CHD1: variants seen among roughly 807,000 people sequenced by gnomAD.
CHD1 encodes the protein ATP-dependent chromatin remodeler CHD1.
A neutral mutation model predicts 224.2 loss-of-function variants in CHD1; 36 were observed. That is an observed-to-expected ratio of 0.16 (90% CI 0.12 to 0.21). The LOEUF is 0.21. Ranked by LOEUF, CHD1 falls within the 10% of genes least tolerant of loss-of-function variation. The pLI, the probability that CHD1 is intolerant of heterozygous loss-of-function variation, is 1.00. For missense variants in CHD1, 1,378 were observed against 1,994.8 expected, an observed-to-expected ratio of 0.69 and a Z score of 5.89; for synonymous variants, 668 against 658.3, an observed-to-expected ratio of 1.01 and a Z score of -0.23.
rs749264305 is a variant in CHD1 at position 98,904,941 on chromosome 5, C to G, written c.211G>C (p.Glu71Gln). Residue 71 changes from glutamate (E) to glutamine (Q), a missense_variant, in exon 3 of 36, where the codon GAA becomes CAA. Transcript: ENST00000614616. Reference sequence around the variant, plus strand: ...GGTGGTTTTGCTTGAACTTTGTTTTCTCGGGAAGTGTCTGACTCAGACTCT... The same window carrying G: ...GGTGGTTTTGCTTGAACTTTGTTTTGTCGGGAAGTGTCTGACTCAGACTCT... ...QSESESDTSR[E>Q]NKVQAKPPKV... is the part of the protein sequence containing the mutation. 6.2e-7 allele frequency: 1 copy of G among 1,613,886 alleles called. No individual in the cohort carries two copies. The highest frequency in any genetic ancestry group is 1.1e-5 in the South Asian group (1 of 91,080).
intron 2 of CHD1, among the ~76,000 whole-genome samples, 200 bp from the exon 3 acceptor site, chr5:98,905,298 A>AT (rs1422832290): frequency 1.3e-5 from 2 of 150,452 alleles, no homozygotes; most frequent in Non-Finnish European, 3.0e-5. Flanking sequence ...TACGTGATAG[A>AT]TTATTACATA....
chr5:98,900,291 A>G (rs1300826809), intron 7 of CHD1, among the ~76,000 whole-genome samples: 1 of 151,778 alleles, frequency 6.6e-6, no homozygotes, highest in Admixed American at 6.6e-5. Flanking sequence ...CAAAAAAAAA[A>G]AAAAAAGAAA....
chr5:98,879,114 G>A (rs1219563903), intron 23 of CHD1, among the ~76,000 whole-genome samples: 3 of 152,130 alleles, frequency 2.0e-5, no homozygotes, highest in Non-Finnish European at 2.9e-5. Flanking sequence ...CACACCTGTA[G>A]TCCCAGCTAT....
intron 15 of CHD1, among the ~76,000 whole-genome samples, chr5:98,891,782 G>A (rs1487641041): frequency 6.6e-6 from 1 of 152,158 alleles, no homozygotes; most frequent in Middle Eastern, 3.2e-3. Context: ...CTGTACTCCA[G>A]CCTGGAGTAC....
At position 98,856,601 on chromosome 5, in the gene CHD1, G is replaced by A. The variant is rs141316125; in HGVS notation, c.4912C>T (p.Arg1638Trp). 220 of 1,613,538 alleles carry A rather than the reference G, an allele frequency of 1.4e-4. No homozygotes were observed. Among genetic ancestry groups the A allele is most frequent in the Non-Finnish European group, 1.8e-4 (207 of 1,179,702 alleles). ...CTTGACCGGTGGTCTGAATGTAACC[G>A]ATGATCTGAGTGAGAACGATGATCA... ...HSDHRSHSDHRLHSDHRSSSE... is the reference protein window; with the variant it reads ...HSDHRSHSDHWLHSDHRSSSE... Residue 1638 changes from arginine (R) to tryptophan (W), a missense_variant, in exon 36 of 36, where the codon CGG becomes TGG. Transcript: ENST00000614616.
chr5:98,868,784 T>C, intron 30 of CHD1, 149 bp from the exon 31 acceptor site: 1 of 812,664 alleles, frequency 1.2e-6, no homozygotes, highest in Non-Finnish European at 1.8e-6. Context: ...AATTTGTTTT[T>C]TTCCCCAATT....
intron 5 of CHD1, among the ~76,000 whole-genome samples, chr5:98,901,884 T>C (rs187788608): frequency 1.4e-3 from 219 of 152,216 alleles, no homozygotes; most frequent in Non-Finnish European, 2.6e-3. Flanking sequence ...GATGTTAATA[T>C]TTTGCTATCA....
chr5:98,869,255 T>C, intron 30 of CHD1: 1 of 985,786 alleles, frequency 1.0e-6, no homozygotes, highest in Non-Finnish European at 1.2e-6. Flanking sequence ...TTTATTTGGA[T>C]GTTTCACAGA....
At chr5:98,907,471 C>T (rs571541579) in intron 2 of CHD1, among the ~76,000 whole-genome samples, 1 of 151,822 alleles carries the variant, frequency 6.6e-6, no homozygotes, top group East Asian at 1.9e-4. Flanking sequence ...GCCTGTGATC[C>T]CAGCTACTTG....
In CHD1 at chr5:98,928,704, C is replaced by G. The variant is rs529734611; in HGVS notation, c.-314G>C. 2.6e-5 allele frequency: 4 copies of G among 154,052 alleles called. No homozygotes were observed. Among genetic ancestry groups the G allele is most frequent in the Admixed American group, 2.0e-4 (3 of 15,296 alleles). The allele number at this position is 154,052 out of a possible 1,614,324, so 9.5% of individuals were successfully genotyped here. On this transcript the variant is annotated 5_prime_UTR_variant, in exon 1 of 36. Transcript: ENST00000614616. ...CAGACGCGGAGGGGAAGGGGAAGCCCCGGTCCGCAGCACCAACGCGCGATC... is the reference window on the plus strand; with the variant it reads ...CAGACGCGGAGGGGAAGGGGAAGCCGCGGTCCGCAGCACCAACGCGCGATC...
At chr5:98,873,540 AT>A in intron 26 of CHD1, 52 bp downstream of exon 26, 1 of 1,411,420 alleles carries the variant, frequency 7.1e-7, no homozygotes. Context: ...AATAAAGCAT[AT>A]TTTGAAGCTT....
At chr5:98,874,029 T>TTTCC in intron 25 of CHD1, among the ~76,000 whole-genome samples, 1 of 152,330 alleles carries the variant, frequency 6.6e-6, no homozygotes, top group Admixed American at 6.5e-5. Context: ...GGTAAAGCTT[T>TTTCC]ATAATTGTAA....
Position 98,860,149 on chromosome 5 carries a change from G to A in CHD1, c.4428-81C>T, listed in dbSNP as rs1022094053. ...TTTTTCATGGAACTCCTTCCCTCCA[G>A]GCACAAACACATATACACATACACA... On this transcript the variant is annotated intron_variant, in intron 32 of 35. Coordinates refer to ENST00000614616, the MANE Select transcript of CHD1 (RefSeq NM_001270.4). 5.4e-6 allele frequency: 4 copies of A among 745,744 alleles called. No homozygotes were observed. In the African/African-American group the frequency reaches 7.0e-5, roughly 13 times the overall value. The allele number at this position is 745,744 out of a possible 1,614,324, so 46.2% of individuals were successfully genotyped here. A position where few individuals can be genotyped will look rare whatever the true frequency, so the allele number is the denominator to read the frequency against.
intron 2 of CHD1, among the ~76,000 whole-genome samples, chr5:98,914,760 A>G (rs1580514095): frequency 6.6e-6 from 1 of 152,172 alleles, no homozygotes; most frequent in African/African-American, 2.4e-5. Flanking sequence ...ATTCAAAACT[A>G]TGTCCTTTAG....
At chr5:98,872,717 C>A (rs1034250296) in intron 26 of CHD1, among the ~76,000 whole-genome samples, 162 bp from the exon 27 acceptor site, 3 of 152,134 alleles carry the variant, frequency 2.0e-5, no homozygotes, top group Non-Finnish European at 4.4e-5. Context: ...TACATATGAA[C>A]AAGTGATAAT....
At position 98,868,651 on chromosome 5, in the gene CHD1, A is replaced by G; in HGVS notation, c.4108-16T>C. 6.6e-7 allele frequency: 1 copy of G among 1,526,416 alleles called. No homozygotes were observed. The highest frequency in any genetic ancestry group is 8.8e-7 in the Non-Finnish European group (1 of 1,138,792). The allele number at this position is 1,526,416 out of a possible 1,614,324, so 94.6% of individuals were successfully genotyped here. On this transcript the variant is annotated splice_polypyrimidine_tract_variant and intron_variant, in intron 30 of 35. Transcript: ENST00000614616. ...ATTCACTCAACTAAAGAAAAAGTGA[A>G]AAGAAAACAAAAACAAAACCCCAAT...
Position 98,902,982 on chromosome 5 carries a change from A to G in CHD1, c.373-18T>C, listed in dbSNP as rs752079102. On this transcript the variant is annotated intron_variant, in intron 4 of 35. Coordinates refer to ENST00000614616, the MANE Select transcript of CHD1 (RefSeq NM_001270.4). Reference sequence around the variant, plus strand: ...GAGGAATCCTGTAGAAAAGAAATAAAGTCAGTATCATCCACTAATGATTAG... The same window carrying G: ...GAGGAATCCTGTAGAAAAGAAATAAGGTCAGTATCATCCACTAATGATTAG... 3 of 1,482,884 alleles carry G rather than the reference A, an allele frequency of 2.0e-6. No homozygotes were observed. The highest frequency in any genetic ancestry group is 2.3e-5 in the South Asian group (2 of 86,650). 91.9% of individuals were successfully genotyped at this position (1,482,884 alleles called of 1,614,324 possible).
chr5:98,893,166 G>C (rs910146092), intron 14 of CHD1, among the ~76,000 whole-genome samples: 15 of 152,028 alleles, frequency 9.9e-5, no homozygotes, highest in African/African-American at 3.1e-4. Flanking sequence ...TTTCAAACAA[G>C]GTATATTTTG....
At chr5:98,884,705 T>G (rs1210985491) in intron 18 of CHD1, among the ~76,000 whole-genome samples, 1 of 151,560 alleles carries the variant, frequency 6.6e-6, no homozygotes, top group African/African-American at 2.4e-5. Flanking sequence ...TTGTTGTTTT[T>G]GGGTTTTTTC....
Sources: allele counts gnomAD v4.1 joint callset (sites outside exome capture counted in the v4.1 genomes callset), GRCh38; gene constraint gnomAD v4.1.1; transcripts MANE v1.5; gene names NCBI Gene and HGNC (gene_info 2026-07-23, HGNC 2026-07-21).